The following FGD4 variants were observed in gnomAD, a reference collection of about 807,000 sequenced individuals.
FGD4 encodes FYVE, RhoGEF and PH domain-containing protein 4.
FGD4 carries 42 observed loss-of-function variants against 102.0 expected under a neutral mutation model. The ratio of observed to expected loss-of-function variants is 0.41; its 90% CI spans 0.32 to 0.53. The LOEUF (loss-of-function observed/expected upper bound fraction) is 0.53, where lower values mean the gene tolerates loss of function less well. Ranked by LOEUF, FGD4 falls within the 20% of genes least tolerant of loss-of-function variation. FGD4 has a pLI of 0.21. For synonymous variants in FGD4, 380 were observed against 375.7 expected, an observed-to-expected ratio of 1.01 and a Z score of -0.13; for missense variants, 902 against 1,078.2, an observed-to-expected ratio of 0.84 and a Z score of 2.29.
At position 32,411,843 on chromosome 12, in the gene FGD4, C is replaced by T. The variant is rs150159322; in HGVS notation, c.166+11884C>T. Among the ~76,000 whole-genome samples the T allele has an allele frequency of 3.9e-4, 59 of 152,122 alleles. 1 individual carries two copies. In the East Asian group the frequency reaches 9.9e-3, roughly 26 times the overall value. On this transcript the variant is annotated intron_variant, in intron 1 of 16. Coordinates refer to ENST00000534526, the MANE Select transcript of FGD4 (RefSeq NM_001370298.3). ...TACAAAAATTCACAGGGTGTGGTGG[C>T]GGGCGCCTGCAGTCCCGGCTGCTCG...
At chr12:32,530,949 T>TTTTTTTTTTTTG (rs1941741831) in intron 1 of FGD4, among the ~76,000 whole-genome samples, 8 of 126,416 alleles carry the variant, frequency 6.3e-5, no homozygotes, top group African/African-American at 1.9e-4. Context: ...TGGTTTTTTT[T>TTTTTTTTTTTTG]TTTTTTTTTT....
intron 14 of FGD4, among the ~76,000 whole-genome samples, chr12:32,633,045 T>C (rs1180011357): frequency 2.6e-5 from 4 of 151,954 alleles, no homozygotes; most frequent in Admixed American, 2.6e-4. Context: ...TGTGGAAAAA[T>C]AGATTTAAGA....
chr12:32,430,418 C>T (rs1942008859), intron 1 of FGD4, among the ~76,000 whole-genome samples: 1 of 152,050 alleles, frequency 6.6e-6, no homozygotes, highest in South Asian at 2.1e-4. Flanking sequence ...AACTCAAATC[C>T]TCTATTGCTT....
intron 1 of FGD4, among the ~76,000 whole-genome samples, chr12:32,464,927 C>CT (rs1469394877): frequency 1.3e-5 from 2 of 152,114 alleles, no homozygotes; most frequent in Non-Finnish European, 2.9e-5. Context: ...CACTTAATCT[C>CT]TTTTTTTGTT....
intron 1 of FGD4, among the ~76,000 whole-genome samples, chr12:32,400,553 G>A (rs1940614338): frequency 6.6e-6 from 1 of 152,202 alleles, no homozygotes; most frequent in Admixed American, 6.5e-5. Context: ...TTTGATTTCT[G>A]AATTCTCATT....
chr12:32,628,313 A>G (rs1408791196), intron 14 of FGD4, among the ~76,000 whole-genome samples: 1 of 152,062 alleles, frequency 6.6e-6, no homozygotes, highest in Non-Finnish European at 1.5e-5. Flanking sequence ...GAAAAGAGTC[A>G]GGGAATACAA....
At chr12:32,608,713 G>A (rs1380106455) in intron 8 of FGD4, among the ~76,000 whole-genome samples, 1 of 152,028 alleles carries the variant, frequency 6.6e-6, no homozygotes, top group African/African-American at 2.4e-5. Flanking sequence ...AACTGTAAAG[G>A]CATGAATGAA....
At chr12:32,405,261 GTTT>G (rs11396808) in intron 1 of FGD4, among the ~76,000 whole-genome samples, 3 of 108,742 alleles carry the variant, frequency 2.8e-5, no homozygotes, top group African/African-American at 3.8e-5. Flanking sequence ...GCAGTCAGTG[GTTT>G]TTTTTTTTTT....
At chr12:32,493,654 A>G (rs1378630879) in intron 1 of FGD4, among the ~76,000 whole-genome samples, 2 of 152,226 alleles carry the variant, frequency 1.3e-5, no homozygotes, top group Admixed American at 6.5e-5. Context: ...TCTTTCAGCA[A>G]AGATTTAATG....
At chr12:32,455,078 A>G (rs1052867796) in intron 1 of FGD4, among the ~76,000 whole-genome samples, 3 of 152,180 alleles carry the variant, frequency 2.0e-5, no homozygotes, top group Admixed American at 6.5e-5. Flanking sequence ...TACAAACACA[A>G]TGAAGCAGCA....
At chr12:32,538,165 TG>T (rs1355181047) in intron 1 of FGD4, among the ~76,000 whole-genome samples, 1 of 152,222 alleles carries the variant, frequency 6.6e-6, no homozygotes, top group Non-Finnish European at 1.5e-5. Context: ...CCCAAAATGC[TG>T]GGATTACAGG....
At chr12:32,472,866 A>G (rs1943456075) in intron 1 of FGD4, among the ~76,000 whole-genome samples, 1 of 152,100 alleles carries the variant, frequency 6.6e-6, no homozygotes, top group Non-Finnish European at 1.5e-5. Context: ...TCGACACTGT[A>G]TCTAGCTGCT....
rs762992450 is a variant in FGD4 at position 32,619,681 on chromosome 12, G to A, written c.1750-17G>A. ...CTATTTCTTTTCTTTACTGATATATGTTCTCGTTCCTTGCAGTTCAACAAC... is the reference window on the plus strand; with the variant it reads ...CTATTTCTTTTCTTTACTGATATATATTCTCGTTCCTTGCAGTTCAACAAC... On this transcript the variant is annotated splice_polypyrimidine_tract_variant and intron_variant, in intron 10 of 16. Coordinates refer to ENST00000534526, the MANE Select transcript of FGD4 (RefSeq NM_001370298.3). 1.9e-6 allele frequency: 3 copies of A among 1,613,842 alleles called. No homozygotes were observed. The highest frequency in any genetic ancestry group is 1.1e-5 in the South Asian group (1 of 91,064).
At chr12:32,420,885 A>G (rs2136415958) in intron 1 of FGD4, among the ~76,000 whole-genome samples, 1 of 152,152 alleles carries the variant, frequency 6.6e-6, no homozygotes, top group African/African-American at 2.4e-5. Context: ...TGTAATAATT[A>G]TTTTTTACTT....
intron 1 of FGD4, among the ~76,000 whole-genome samples, chr12:32,476,675 T>G (rs1279110998): frequency 6.6e-6 from 1 of 152,168 alleles, no homozygotes; most frequent in Non-Finnish European, 1.5e-5. Flanking sequence ...ATGGATCACT[T>G]GAGGCCAGCC....
At chr12:32,494,212 A>AATTTT (rs1382260952) in intron 1 of FGD4, among the ~76,000 whole-genome samples, 1 of 151,978 alleles carries the variant, frequency 6.6e-6, no homozygotes, top group Non-Finnish European at 1.5e-5. Flanking sequence ...CTAACTTTTT[A>AATTTT]ATTTTATTTT....
chr12:32,399,800 G>C lies in FGD4; in HGVS notation c.7G>C (p.Asp3His), dbSNP rs183635684. 3 of 1,530,686 alleles carry C rather than the reference G, an allele frequency of 2.0e-6. No homozygotes were observed. In the East Asian group the frequency reaches 7.4e-5, roughly 38 times the overall value. The allele number at this position is 1,530,686 out of a possible 1,614,324, so 94.8% of individuals were successfully genotyped here. A position where few individuals can be genotyped will look rare whatever the true frequency, so the allele number is the denominator to read the frequency against. The change falls in exon 1 of 17, where the codon GAC becomes CAC. Residue 3 changes from aspartate to histidine, a missense_variant. By Grantham distance (81) the Asp-to-His change is moderately conservative (BLOSUM62 -1). This residue lies in a region of FGD4 where 443 missense variants were observed against 459.2 expected (regional missense o/e 0.96). Transcript: ENST00000534526. ...GGCGGTCGAGCCCGGCAGGATGAGCGACGAGGGCGGCTCCAACTTCAGGCG... is the reference window on the plus strand; with the variant it reads ...GGCGGTCGAGCCCGGCAGGATGAGCCACGAGGGCGGCTCCAACTTCAGGCG... Reference protein sequence around the residue: MSDEGGSNFRRVA... With the variant: MSHEGGSNFRRVA...
intron 15 of FGD4, among the ~76,000 whole-genome samples, chr12:32,636,389 CG>C (rs1167882413): frequency 6.6e-6 from 1 of 151,956 alleles, no homozygotes; most frequent in African/African-American, 2.4e-5. Context: ...AAAAATTAGC[CG>C]GGCCTGGTGG....
chr12:32,620,520 CTTTTTTTTTTTTTTTTT>C (rs1233071153), intron 11 of FGD4, among the ~76,000 whole-genome samples: 1 of 91,136 alleles, frequency 1.1e-5, no homozygotes, highest in African/African-American at 4.6e-5. Flanking sequence ...TTTTTTCTTT[CTTTTTTTTTTTTTTTTT>C]TTTTTTGAGA....
Sources: allele counts gnomAD v4.1 joint callset (sites outside exome capture counted in the v4.1 genomes callset), GRCh38; gene constraint gnomAD v4.1.1; regional missense constraint gnomAD v4.1.1; transcripts MANE v1.5; gene names NCBI Gene and HGNC (gene_info 2026-07-23, HGNC 2026-07-21).